Variants in GRK5 observed in about 807,000 individuals in gnomAD.
The protein encoded by GRK5 is G protein-coupled receptor kinase 5, also known as g protein-coupled receptor kinase GRK5.
Under a neutral mutation model 78.4 loss-of-function variants are expected in GRK5, and 40 were observed. That is an observed-to-expected ratio of 0.51 (90% CI 0.40 to 0.66). GRK5 has a LOEUF of 0.66. Ranked by LOEUF, GRK5 falls within the 30% of genes least tolerant of loss-of-function variation. The probability of loss-of-function intolerance (pLI) is 0.00; values close to 1 mark genes in which losing one functional copy is unlikely to be tolerated. For missense variants in GRK5, 598 were observed against 759.9 expected (o/e 0.79, Z 2.50); for synonymous variants, 289 against 296.8 (o/e 0.97, Z 0.27).
At chr10:119,385,349 C>T (rs1053731672) in intron 3 of GRK5, among the ~76,000 whole-genome samples, 2 of 152,158 alleles carry the variant, frequency 1.3e-5, no homozygotes, top group African/African-American at 2.4e-5. Context: ...ATTGCAGTCT[C>T]AACCTCCTGG....
chr10:119,281,844 T>C (rs931930482), intron 1 of GRK5, among the ~76,000 whole-genome samples: 7 of 152,184 alleles, frequency 4.6e-5, no homozygotes, highest in Non-Finnish European at 1.0e-4. Flanking sequence ...CTACTTAGCT[T>C]TGTAGATGGA....
intron 2 of GRK5, among the ~76,000 whole-genome samples, chr10:119,362,382 C>T (rs1851379276): frequency 6.6e-6 from 1 of 152,244 alleles, no homozygotes; most frequent in South Asian, 2.1e-4. Context: ...CAAGGGCAGT[C>T]TTGCGCAACT....
At chr10:119,454,543 G>C (rs763699107) in intron 15 of GRK5, among the ~76,000 whole-genome samples, 2 of 152,174 alleles carry the variant, frequency 1.3e-5, no homozygotes, top group African/African-American at 2.4e-5. Flanking sequence ...GCCGGCCCTC[G>C]CTAGAGCCCT....
Position 119,238,591 on chromosome 10 carries a change from G to C in GRK5, c.52+30622G>C, listed in dbSNP as rs12771563. Reference sequence around the variant, plus strand: ...TTGGACAATATGCAGGAAAACACCCGCCTTCTCTTAGACATGTAGGGTTCG... The same window carrying C: ...TTGGACAATATGCAGGAAAACACCCCCCTTCTCTTAGACATGTAGGGTTCG... On this transcript the variant is annotated intron_variant, in intron 1 of 15. Coordinates refer to ENST00000392870, the MANE Select transcript of GRK5 (RefSeq NM_005308.3). The surrounding 1 kb of genome is among the most constrained non-coding windows in gnomAD (Gnocchi z 4.7). 2.0e-5 allele frequency among the ~76,000 whole-genome samples: 3 copies of C among 152,106 alleles called. No homozygotes were observed. The highest frequency in any genetic ancestry group is 4.4e-5 in the Non-Finnish European group (3 of 68,026).
chr10:119,325,710 A>C (rs1850663171), intron 1 of GRK5, among the ~76,000 whole-genome samples: 1 of 152,080 alleles, frequency 6.6e-6, no homozygotes, highest in African/African-American at 2.4e-5. Context: ...CCAGAGCTTC[A>C]CCCCATCGCT....
At chr10:119,417,996 A>T (rs1852496612) in intron 4 of GRK5, among the ~76,000 whole-genome samples, 2 of 152,194 alleles carry the variant, frequency 1.3e-5, no homozygotes, top group African/African-American at 4.8e-5. Context: ...TAGAGCAGAG[A>T]GCGAGTCTGG....
chr10:119,326,406 T>A, intron 1 of GRK5, 110 bp from the exon 2 acceptor site: 1 of 810,650 alleles, frequency 1.2e-6, no homozygotes, highest in Non-Finnish European at 2.1e-6. Context: ...TGGCTTGGCC[T>A]ACAGCCCGTC....
chr10:119,222,721 C>T (rs1160485049), intron 1 of GRK5, among the ~76,000 whole-genome samples: 2 of 152,124 alleles, frequency 1.3e-5, no homozygotes, highest in Non-Finnish European at 2.9e-5. Context: ...GAAACATTTG[C>T]AGATGTGTGA....
intron 1 of GRK5, among the ~76,000 whole-genome samples, chr10:119,279,092 G>A (rs567239401): frequency 9.9e-4 from 151 of 152,194 alleles, no homozygotes; most frequent in African/African-American, 3.6e-3. Context: ...ATGTTAGCCA[G>A]GATGGTCTCG....
chr10:119,338,475 T>C (rs1850931477), intron 2 of GRK5, among the ~76,000 whole-genome samples: 1 of 152,238 alleles, frequency 6.6e-6, no homozygotes. Context: ...TACATATACA[T>C]GTGGTTTTGT....
Position 119,443,461 on chromosome 10 carries a change from C to T in GRK5, c.1058-83C>T, listed in dbSNP as rs551252164. 78 of 1,286,566 alleles carry T rather than the reference C, an allele frequency of 6.1e-5. 1 individual carries two copies. The South Asian group carries it at 8.8e-4, about 15-fold the overall frequency. The allele number at this position is 1,286,566 out of a possible 1,614,324, so 79.7% of individuals were successfully genotyped here. A position where few individuals can be genotyped will look rare whatever the true frequency, so the allele number is the denominator to read the frequency against. On this transcript the variant is annotated intron_variant, in intron 11 of 15. Transcript: ENST00000392870. ...TTGGTGGGGTAAGAGTTGGTGGCGG[C>T]CATGAAACTCCAGGCCTTCTGTGAG...
chr10:119,306,481 G>C (rs1236697092), intron 1 of GRK5, among the ~76,000 whole-genome samples: 1 of 152,124 alleles, frequency 6.6e-6, no homozygotes, highest in East Asian at 1.9e-4. Context: ...GCCATTCCAG[G>C]TCCTGTTTTC....
chr10:119,433,802 G>T (rs2133897980), intron 8 of GRK5, among the ~76,000 whole-genome samples: 1 of 152,266 alleles, frequency 6.6e-6, no homozygotes, highest in South Asian at 2.1e-4. Flanking sequence ...TGGGTGTCTG[G>T]ACTCCACCAG....
At chr10:119,215,754 A>G (rs1025763293) in intron 1 of GRK5, among the ~76,000 whole-genome samples, 5 of 152,108 alleles carry the variant, frequency 3.3e-5, no homozygotes, top group African/African-American at 1.2e-4. Flanking sequence ...CATGATATAG[A>G]TACATACAGA....
Position 119,354,420 on chromosome 10 carries a change from G to A in GRK5, c.149-26395G>A, listed in dbSNP as rs868735706. Reference sequence around the variant, plus strand: ...CTTTTTTTTTTTTTTTTTTTTTTTTGAGACAAGGTCTTGCTCTGTCACTCA... The same window carrying A: ...CTTTTTTTTTTTTTTTTTTTTTTTTAAGACAAGGTCTTGCTCTGTCACTCA... On this transcript the variant is annotated intron_variant, in intron 2 of 15. Coordinates refer to ENST00000392870, the MANE Select transcript of GRK5 (RefSeq NM_005308.3). Among the ~76,000 whole-genome samples, 8 of 17,464 alleles carry A rather than the reference G, an allele frequency of 4.6e-4. No homozygotes were observed. In the South Asian group the frequency reaches 7.5e-3, roughly 16 times the overall value. The allele number at this position is 17,464 out of a possible 152,430, so 11.5% of individuals were successfully genotyped here.
chr10:119,277,941 T>G (rs1849695753), intron 1 of GRK5, among the ~76,000 whole-genome samples: 1 of 152,252 alleles, frequency 6.6e-6, no homozygotes, highest in South Asian at 2.1e-4. Flanking sequence ...TTTTTCTTAT[T>G]GAGTAGTGAC....
chr10:119,427,053 T>C (rs1317445574), intron 6 of GRK5, among the ~76,000 whole-genome samples: 2 of 149,684 alleles, frequency 1.3e-5, no homozygotes, highest in Non-Finnish European at 3.0e-5. Flanking sequence ...ACCACCATCA[T>C]CAATATCACT....
At position 119,413,413 on chromosome 10, in the gene GRK5, G is replaced by GCA. The variant is rs34125415; in HGVS notation, c.340-9739_340-9738dup. ...TTCACACTCATGCACACAGGCGCGT[G>GCA]CACACACACACACACTTATCCAACA... is the stretch of plus-strand genomic sequence containing the variant. On this transcript the variant is annotated intron_variant, in intron 4 of 15. Coordinates refer to ENST00000392870, the MANE Select transcript of GRK5 (RefSeq NM_005308.3). Among the ~76,000 whole-genome samples the GCA allele has an allele frequency of 3.7e-3, 562 of 150,468 alleles. 1 individual carries two copies. The highest frequency in any genetic ancestry group is 0.013 in the African/African-American group (519 of 40,964).
intron 3 of GRK5, among the ~76,000 whole-genome samples, chr10:119,394,688 G>T (rs111984254): frequency 7.3e-4 from 3 of 4,132 alleles, no homozygotes; most frequent in Non-Finnish European, 1.8e-3. Context: ...CGTGTGTGTG[G>T]GTGTGTGTGG....
Sources: gnomAD v4.1 joint callset for allele counts (sites outside exome capture counted in the v4.1 genomes callset) on GRCh38, gnomAD v4.1.1 for gene constraint, Gnocchi (gnomAD v3.1) non-coding constraint, MANE v1.5 for transcripts, NCBI Gene and HGNC (gene_info 2026-07-23, HGNC 2026-07-21) for gene names.